The following ITGAM variants were observed in gnomAD, a reference collection of about 807,000 sequenced individuals.
ITGAM encodes integrin subunit alpha M, also known as integrin alpha-M.
A neutral mutation model predicts 137.5 loss-of-function variants in ITGAM; 79 were observed. The observed-to-expected ratio is 0.57, with a 90% CI of 0.48 to 0.69. The LOEUF (loss-of-function observed/expected upper bound fraction) is 0.69, where lower values mean the gene tolerates loss of function less well. Ranked by LOEUF, ITGAM falls within the 30% of genes least tolerant of loss-of-function variation. The pLI, the probability that ITGAM is intolerant of heterozygous loss-of-function variation, is 0.00. For missense variants in ITGAM, 1,343 were observed against 1,483.5 expected (o/e 0.91, Z 1.56); for synonymous variants, 583 against 592.3 (o/e 0.98, Z 0.23).
chr16:31,298,870 C>G (rs2080166432), intron 14 of ITGAM, among the ~76,000 whole-genome samples: 1 of 152,066 alleles, frequency 6.6e-6, no homozygotes, highest in African/African-American at 2.4e-5. Flanking sequence ...GACTTGTCAC[C>G]CTATATTCTG....
chr16:31,303,666 AT>A (rs1283314690), intron 14 of ITGAM, among the ~76,000 whole-genome samples: 1 of 152,120 alleles, frequency 6.6e-6, no homozygotes, highest in Non-Finnish European at 1.5e-5. Flanking sequence ...TTGCATCCTT[AT>A]AGTTTAGCTC....
intron 12 of ITGAM, among the ~76,000 whole-genome samples, chr16:31,284,226 C>G (rs2080002695): frequency 6.6e-6 from 1 of 152,214 alleles, no homozygotes; most frequent in Non-Finnish European, 1.5e-5. Context: ...AAGCTGCATG[C>G]TGGGAGAACC....
In ITGAM at chr16:31,323,358, G is replaced by A. The variant is rs534225339; in HGVS notation, c.2003-1041G>A. Among the ~76,000 whole-genome samples the A allele has an allele frequency of 9.2e-5, 14 of 151,354 alleles. No individual in the cohort carries two copies. The East Asian group carries it at 1.8e-3, about 19-fold the overall frequency. On this transcript the variant is annotated intron_variant, in intron 16 of 29. Coordinates refer to ENST00000544665, the MANE Select transcript of ITGAM (RefSeq NM_000632.4). ...AGCAGGAGAATTGAACCTGGGAGGC[G>A]GATGTTGCAGTGAGCTGAGATCGCC...
In ITGAM at chr16:31,331,695, C is replaced by T. The variant is rs1242434580; in HGVS notation, c.3447C>T (p.Ala1149=). The change falls in exon 30 of 30, where the codon GCC becomes GCT. Residue 1149 remains alanine, a synonymous_variant. Transcript: ENST00000544665. ...DMMSEGGPPG[A]EPQ Reference sequence around the variant, plus strand: ...TGAGTGAAGGGGGTCCCCCGGGGGCCGAACCCCAGTAGCGGCTCCTTCCCG... The same window carrying T: ...TGAGTGAAGGGGGTCCCCCGGGGGCTGAACCCCAGTAGCGGCTCCTTCCCG... The T allele has an allele frequency of 1.9e-6, 3 of 1,606,268 alleles. No individual in the cohort carries two copies. Among genetic ancestry groups the T allele is most frequent in the African/African-American group, 1.3e-5 (1 of 74,788 alleles).
At chr16:31,302,390 T>A (rs2080206193) in intron 14 of ITGAM, among the ~76,000 whole-genome samples, 1 of 149,192 alleles carries the variant, frequency 6.7e-6, no homozygotes, top group Non-Finnish European at 1.5e-5. Context: ...TTTCTTTTCT[T>A]TTTTCTTTTC....
intron 14 of ITGAM, among the ~76,000 whole-genome samples, chr16:31,320,679 G>GTGGAGAT (rs1308819581): frequency 6.6e-6 from 1 of 152,102 alleles, no homozygotes; most frequent in Admixed American, 6.5e-5. Context: ...ACCATGGAAG[G>GTGGAGAT]TGGAGATTGA....
intron 14 of ITGAM, among the ~76,000 whole-genome samples, chr16:31,320,058 C>T (rs553515708): frequency 6.6e-6 from 1 of 152,248 alleles, no homozygotes; most frequent in East Asian, 1.9e-4. Context: ...GTGATCCGCC[C>T]ACCTCAGCCT....
Position 31,277,955 on chromosome 16 carries a change from C to G in ITGAM, c.1214-12C>G. 2 of 1,580,778 alleles carry G rather than the reference C, an allele frequency of 1.3e-6. No individual in the cohort carries two copies. Among genetic ancestry groups the G allele is most frequent in the African/African-American group, 1.3e-5 (1 of 74,252 alleles). On this transcript the variant is annotated splice_polypyrimidine_tract_variant and intron_variant, in intron 11 of 29. Transcript: ENST00000544665. ...AGGGAATGCACTTCACCTCTCAGAC[C>G]CCCACCTTCAGGTTATGCTGCCGCC...
chr16:31,330,653 C>A, intron 28 of ITGAM, 48 bp downstream of exon 28: 1 of 1,354,716 alleles, frequency 7.4e-7, no homozygotes, highest in Non-Finnish European at 1.0e-6. Flanking sequence ...AGGGGCTGCG[C>A]TTGTGGAGAT....
chr16:31,260,910 C>T (rs530963385), intron 1 of ITGAM, among the ~76,000 whole-genome samples: 11 of 152,286 alleles, frequency 7.2e-5, no homozygotes, highest in South Asian at 2.1e-4. Flanking sequence ...TTTGTAAACC[C>T]GTATTACAAA....
chr16:31,287,551 G>T (rs2080041450), intron 12 of ITGAM, among the ~76,000 whole-genome samples: 1 of 152,052 alleles, frequency 6.6e-6, no homozygotes, highest in African/African-American at 2.4e-5. Context: ...TTTCAACAGT[G>T]TATTTCTCTT....
chr16:31,267,297 T>C (rs2079780364), intron 5 of ITGAM, among the ~76,000 whole-genome samples: 1 of 152,144 alleles, frequency 6.6e-6, no homozygotes, highest in Non-Finnish European at 1.5e-5. Flanking sequence ...GTTTCTCCCT[T>C]GCATTTTTTT....
intron 5 of ITGAM, 62 bp from the exon 6 acceptor site, chr16:31,270,892 C>CA: frequency 3.1e-6 from 4 of 1,289,656 alleles, no homozygotes; most frequent in Admixed American, 2.7e-5. Flanking sequence ...GGCTGACATG[C>CA]AAAAAAACCC....
chr16:31,331,258 A>G lies in ITGAM; in HGVS notation c.3370A>G (p.Thr1124Ala). Residue 1124 changes from threonine (T) to alanine (A), a missense_variant, in exon 29 of 30, where the codon ACC becomes GCC. Physicochemically the swap from Thr to Ala is moderately conservative, Grantham distance 58 (BLOSUM62 0). Coordinates refer to ENST00000544665, the MANE Select transcript of ITGAM (RefSeq NM_000632.4). Reference protein sequence around the residue: ...VGGLLLLALITAALYKLGFFK... With the variant: ...VGGLLLLALIAAALYKLGFFK... ...GGGACTGCTGCTCCTGGCCCTCATC[A>G]CCGCCGCGCTGTACAAGGTGCTCCC... 6.2e-7 allele frequency: 1 copy of G among 1,608,630 alleles called. No homozygotes were observed. Among genetic ancestry groups the G allele is most frequent in the Non-Finnish European group, 8.5e-7 (1 of 1,177,514 alleles).
At chr16:31,289,459 CATGG>C (rs1015144266) in intron 12 of ITGAM, among the ~76,000 whole-genome samples, 1 of 152,128 alleles carries the variant, frequency 6.6e-6, no homozygotes, top group African/African-American at 2.4e-5. Context: ...TTTGTAGGGA[CATGG>C]ATGAAGCTGG....
intron 24 of ITGAM, 106 bp from the exon 25 acceptor site, chr16:31,329,692 G>A: frequency 2.3e-6 from 2 of 853,032 alleles, no homozygotes; most frequent in Admixed American, 2.4e-5. Flanking sequence ...AACAGGAAGG[G>A]GCAGGACGCC....
chr16:31,329,185 C>A, intron 23 of ITGAM, 43 bp from the exon 24 acceptor site: 2 of 1,350,756 alleles, frequency 1.5e-6, no homozygotes, highest in Non-Finnish European at 2.1e-6. Context: ...CCCAGGGCAC[C>A]CCTCATGTTT....
chr16:31,312,612 A>G (rs2080346350), intron 14 of ITGAM, among the ~76,000 whole-genome samples: 1 of 152,060 alleles, frequency 6.6e-6, no homozygotes. Flanking sequence ...TTTCTTTTGC[A>G]GTGACAGGGT....
chr16:31,316,038 C>CAA (rs139226828), intron 14 of ITGAM, among the ~76,000 whole-genome samples: 58,729 of 66,894 alleles, frequency 0.88, 26,065 homozygotes, highest in East Asian at 0.99. Flanking sequence ...ACTAAAAATA[C>CAA]AAAAAATTAG....
Sources: allele counts gnomAD v4.1 joint callset (sites outside exome capture counted in the v4.1 genomes callset), GRCh38; gene constraint gnomAD v4.1.1; transcripts MANE v1.5; gene names NCBI Gene and HGNC (gene_info 2026-07-23, HGNC 2026-07-21).